Variants in SHISAL2B observed in about 807,000 individuals in gnomAD.
SHISAL2B encodes the protein protein shisa-like-2B.
In SHISAL2B, 12 loss-of-function variants were observed where a neutral mutation model predicts 16.5. That is an observed-to-expected ratio of 0.73 (90% CI 0.47 to 1.18). The LOEUF is 1.18. Ranked by LOEUF, SHISAL2B falls within the 50% of genes most tolerant of loss-of-function variation. The pLI is 0.00. For synonymous variants in SHISAL2B, 72 were observed against 75.0 expected, an observed-to-expected ratio of 0.96 and a Z score of 0.21; for missense variants, 183 against 193.6, an observed-to-expected ratio of 0.95 and a Z score of 0.33.
In SHISAL2B at chr5:64,690,528, C is replaced by G; in HGVS notation, c.-96C>G. On this transcript the variant is annotated 5_prime_UTR_variant, in exon 1 of 3. Coordinates refer to ENST00000389074, the MANE Select transcript of SHISAL2B (RefSeq NM_001164442.2). ...AGAGCCCAGATCGGAAGAGCCGAGT[C>G]CGGGCAGAGGGGTCCGCGGGCTCTG... 1 of 1,051,660 alleles carries G rather than the reference C, an allele frequency of 9.5e-7. No homozygotes were observed. Among genetic ancestry groups the G allele is most frequent in the East Asian group, 3.0e-5 (1 of 32,796 alleles). 65.1% of individuals were successfully genotyped at this position (1,051,660 alleles called of 1,614,324 possible). A position where few individuals can be genotyped will look rare whatever the true frequency, so the allele number is the denominator to read the frequency against.
intron 2 of SHISAL2B, among the ~76,000 whole-genome samples, chr5:64,708,827 A>C (rs1310900057): frequency 1.3e-5 from 2 of 152,132 alleles, no homozygotes; most frequent in Non-Finnish European, 2.9e-5. Context: ...AATTATACTG[A>C]TTGCATGTTT....
intron 2 of SHISAL2B, among the ~76,000 whole-genome samples, chr5:64,716,813 A>AT (rs1450950267): frequency 2.6e-5 from 4 of 152,198 alleles, no homozygotes; most frequent in Non-Finnish European, 5.9e-5. Context: ...GTATGAAATC[A>AT]TGTAGGCCAC....
chr5:64,718,154 ATCAT>A lies in SHISAL2B; in HGVS notation c.*136_*139del, dbSNP rs1561379564. ...AAAGCAAGACACAGCTGCATTTTTG[ATCAT>A]TCAGTTACTTTATTAAACGCACATT... On this transcript the variant is annotated 3_prime_UTR_variant, in exon 3 of 3. Transcript: ENST00000389074. The A allele has an allele frequency of 6.0e-6, 4 of 663,542 alleles. No homozygotes were observed. Among genetic ancestry groups the A allele is most frequent in the Non-Finnish European group, 6.9e-6 (3 of 437,468 alleles). 41.1% of individuals were successfully genotyped at this position (663,542 alleles called of 1,614,324 possible). A position where few individuals can be genotyped will look rare whatever the true frequency, so the allele number is the denominator to read the frequency against.
At chr5:64,694,283 G>C (rs1741697320) in intron 1 of SHISAL2B, 1 of 349,754 alleles carries the variant, frequency 2.9e-6, no homozygotes, top group Non-Finnish European at 5.6e-6. Flanking sequence ...CTTTAAATAA[G>C]TGTGTACAAC....
rs750213643 is a variant in SHISAL2B at position 64,690,735 on chromosome 5, G to C, written c.112G>C (p.Gly38Arg). 1.6e-5 allele frequency: 24 copies of C among 1,538,406 alleles called. No individual in the cohort carries two copies. The highest frequency in any genetic ancestry group is 2.7e-5 in the African/African-American group (2 of 72,966). The change falls in exon 1 of 3, where the codon GGC becomes CGC. Residue 38 changes from glycine (G) to arginine (R), a missense_variant. Coordinates refer to ENST00000389074, the MANE Select transcript of SHISAL2B (RefSeq NM_001164442.2). Reference sequence around the variant, plus strand: ...GGGGGCAGCGCTCCAGTATTGCTGCGGCTTCGCCGACCTCAAGTACTGCTG... The same window carrying C: ...GGGGGCAGCGCTCCAGTATTGCTGCCGCTTCGCCGACCTCAAGTACTGCTG... ...GEGAALQYCC[G>R]FADLKYCCSE...
chr5:64,694,645 T>C (rs917737496), intron 1 of SHISAL2B, among the ~76,000 whole-genome samples: 2 of 152,220 alleles, frequency 1.3e-5, no homozygotes, highest in African/African-American at 4.8e-5. Flanking sequence ...CCATTGACAT[T>C]ATGCCCTTTT....
chr5:64,713,722 G>A (rs1741992548), intron 2 of SHISAL2B, among the ~76,000 whole-genome samples: 1 of 129,348 alleles, frequency 7.7e-6, no homozygotes, highest in African/African-American at 3.6e-5. Flanking sequence ...CATATTTCTT[G>A]GAGGCTTTGC....
intron 2 of SHISAL2B, among the ~76,000 whole-genome samples, chr5:64,716,505 TTAA>T (rs1371743694): frequency 1.3e-5 from 2 of 152,092 alleles, no homozygotes; most frequent in African/African-American, 4.8e-5. Context: ...ATTATATTAG[TTAA>T]TAAGTGCTTT....
intron 1 of SHISAL2B, 87 bp from the exon 2 acceptor site, chr5:64,695,420 G>T (rs1741718888): frequency 1.1e-6 from 1 of 882,776 alleles, no homozygotes. Context: ...CTGAAAACAA[G>T]AATTAACAAT....
rs543232957 is a variant in SHISAL2B, at chr5:64,703,308, G to A, written c.349+7644G>A. On this transcript the variant is annotated intron_variant, in intron 2 of 2. Transcript: ENST00000389074. ...AAAGGAATTCATTGAGATCTCAGCAGAAGATAGGGTAATTGGAACTCAATG... is the reference window on the plus strand; with the variant it reads ...AAAGGAATTCATTGAGATCTCAGCAAAAGATAGGGTAATTGGAACTCAATG... Among the ~76,000 whole-genome samples the A allele has an allele frequency of 2.6e-5, 4 of 152,298 alleles. No homozygotes were observed. In the East Asian group the frequency reaches 7.7e-4, roughly 29 times the overall value.
intron 2 of SHISAL2B, among the ~76,000 whole-genome samples, chr5:64,706,328 A>G (rs970121561): frequency 6.6e-6 from 1 of 152,176 alleles, no homozygotes; most frequent in African/African-American, 2.4e-5. Context: ...ATTTTTACAT[A>G]AACAGTAGGG....
At chr5:64,704,165 G>T (rs1171044132) in intron 2 of SHISAL2B, among the ~76,000 whole-genome samples, 1 of 152,150 alleles carries the variant, frequency 6.6e-6, no homozygotes, top group Non-Finnish European at 1.5e-5. Context: ...ATTCGCAGAT[G>T]ATAGTAGAAA....
chr5:64,702,566 A>G (rs1376940316), intron 2 of SHISAL2B, among the ~76,000 whole-genome samples: 2 of 152,060 alleles, frequency 1.3e-5, no homozygotes, highest in African/African-American at 4.8e-5. Flanking sequence ...AGTTATAGTT[A>G]CCTATGGTTA....
At chr5:64,692,913 A>T (rs916663467) in intron 1 of SHISAL2B, among the ~76,000 whole-genome samples, 2 of 152,174 alleles carry the variant, frequency 1.3e-5, no homozygotes, top group African/African-American at 4.8e-5. Context: ...CTATTTAATA[A>T]GTATTTATTG....
chr5:64,714,295 T>G (rs796971666), intron 2 of SHISAL2B, among the ~76,000 whole-genome samples: 6 of 141,988 alleles, frequency 4.2e-5, no homozygotes, highest in South Asian at 2.4e-4. Context: ...TGGAATACCC[T>G]GCAGTGTGAG....
intron 2 of SHISAL2B, among the ~76,000 whole-genome samples, chr5:64,709,660 TA>T (rs578026545): frequency 0.015 from 2,245 of 150,076 alleles, 52 homozygotes; most frequent in African/African-American, 0.053. Context: ...ACCAACAGTG[TA>T]AAAGTGTTCC....
At position 64,690,629 on chromosome 5, in the gene SHISAL2B, C is replaced by T. The variant is rs1418574109; in HGVS notation, c.6C>T (p.Ser2=). Residue 2 remains serine, a synonymous_variant, in exon 1 of 3, where the codon AGC becomes AGT. Transcript: ENST00000389074. The part of the protein sequence containing the change: M[S]EASRLCSGYY... ...TCTCCCGGCCCCTGCCCGCGATGAGCGAGGCCAGCCGACTGTGCTCCGGCT... is the reference window on the plus strand; with the variant it reads ...TCTCCCGGCCCCTGCCCGCGATGAGTGAGGCCAGCCGACTGTGCTCCGGCT... 1.3e-6 allele frequency: 2 copies of T among 1,491,996 alleles called. No individual in the cohort carries two copies. Among genetic ancestry groups the T allele is most frequent in the Non-Finnish European group, 1.8e-6 (2 of 1,120,434 alleles). The allele number at this position is 1,491,996 out of a possible 1,614,324, so 92.4% of individuals were successfully genotyped here.
At chr5:64,693,930 G>A (rs1423071167) in intron 1 of SHISAL2B, among the ~76,000 whole-genome samples, 1 of 152,160 alleles carries the variant, frequency 6.6e-6, no homozygotes, top group African/African-American at 2.4e-5. Flanking sequence ...TGCTTCAGGA[G>A]GCAATCTCTT....
chr5:64,702,617 A>G (rs1282702670), intron 2 of SHISAL2B, among the ~76,000 whole-genome samples: 2 of 152,118 alleles, frequency 1.3e-5, no homozygotes, highest in African/African-American at 2.4e-5. Flanking sequence ...TACCTAATAT[A>G]ATATAGTTAC....
Sources: allele counts gnomAD v4.1 joint callset (sites outside exome capture counted in the v4.1 genomes callset), GRCh38; gene constraint gnomAD v4.1.1; transcripts MANE v1.5; gene names NCBI Gene and HGNC (gene_info 2026-07-23, HGNC 2026-07-21).